The following LRBA variants were observed in gnomAD, a reference collection of about 807,000 sequenced individuals.
LRBA encodes the protein LPS responsive beige-like anchor protein.
LRBA carries 176 observed loss-of-function variants against 330.0 expected under a neutral mutation model. The ratio of observed to expected loss-of-function variants is 0.53; its 90% CI spans 0.47 to 0.60. The LOEUF (loss-of-function observed/expected upper bound fraction) is 0.60. LRBA is among the 20% of genes least tolerant of loss of function. LRBA has a pLI of 0.00. For missense variants in LRBA, 3,259 were observed against 3,444.8 expected, an observed-to-expected ratio of 0.95 and a Z score of 1.35; for synonymous variants, 1,230 against 1,193.0, an observed-to-expected ratio of 1.03 and a Z score of -0.64.
chr4:150,915,615 G>C lies in LRBA; in HGVS notation c.1007C>G (p.Thr336Ser). The C allele has an allele frequency of 6.2e-7, 1 of 1,608,758 alleles. No individual in the cohort carries two copies. Among genetic ancestry groups the C allele is most frequent in the South Asian group, 1.1e-5 (1 of 89,456 alleles). Residue 336 changes from threonine to serine, a missense_variant, in exon 8 of 57, where the codon ACT becomes AGT. Coordinates refer to ENST00000651943, the MANE Select transcript of LRBA (RefSeq NM_001364905.1). Reference sequence around the variant, plus strand: ...CATTTTGAAACTACTTACATCGCTAGTGTTGACAAACCATGTTATCTCTCC... The same window carrying C: ...CATTTTGAAACTACTTACATCGCTACTGTTGACAAACCATGTTATCTCTCC... ...SYGEITWFVN[T>S]SDTFDKCFLG...
In LRBA at chr4:150,818,532, C is replaced by G. The variant is rs200262297; in HGVS notation, c.5172-1275G>C. ...AAGGGGGAGTAGATATGACGAATGT[C>G]TGTGTGTGTGTGTGTGTGTGTGTGT... On this transcript the variant is annotated intron_variant, in intron 30 of 56. Coordinates refer to ENST00000651943, the MANE Select transcript of LRBA (RefSeq NM_001364905.1). 3.1e-3 allele frequency among the ~76,000 whole-genome samples: 459 copies of G among 145,934 alleles called. 1 individual carries two copies. The highest frequency in any genetic ancestry group is 0.011 in the African/African-American group (435 of 39,792).
chr4:150,762,879 A>C (rs1229283908), intron 34 of LRBA, among the ~76,000 whole-genome samples: 1 of 151,904 alleles, frequency 6.6e-6, no homozygotes, highest in African/African-American at 2.4e-5. Context: ...TAAGACTTTC[A>C]AATTCCATGC....
At chr4:150,284,340 T>C (rs1408774020) in intron 54 of LRBA, among the ~76,000 whole-genome samples, 1 of 152,178 alleles carries the variant, frequency 6.6e-6, no homozygotes, top group Non-Finnish European at 1.5e-5. Flanking sequence ...CCCCAAGGCA[T>C]AGAAAAGATG....
At chr4:150,779,255 A>T (rs1361679763) in intron 34 of LRBA, among the ~76,000 whole-genome samples, 1 of 152,112 alleles carries the variant, frequency 6.6e-6, no homozygotes, top group Non-Finnish European at 1.5e-5. Context: ...TTAGCTTAGG[A>T]TAATATATAG....
chr4:150,532,577 T>C (rs1764158456), intron 40 of LRBA, among the ~76,000 whole-genome samples: 1 of 152,140 alleles, frequency 6.6e-6, no homozygotes, highest in African/African-American at 2.4e-5. Flanking sequence ...TGATAATTTA[T>C]GAATTGGTAT....
chr4:150,905,626 T>C lies in LRBA; in HGVS notation c.1755+212A>G, dbSNP rs555689214. On this transcript the variant is annotated intron_variant, in intron 13 of 56. Coordinates refer to ENST00000651943, the MANE Select transcript of LRBA (RefSeq NM_001364905.1). ...ACAAAGAATATATTCTTTGTATGTA[T>C]GTATATATTATTTGTATATATTCAT... Among the ~76,000 whole-genome samples the C allele has an allele frequency of 9.2e-5, 14 of 152,202 alleles. No homozygotes were observed. In the South Asian group the frequency reaches 2.1e-3, roughly 23 times the overall value.
chr4:150,837,005 C>T (rs2126852722), intron 28 of LRBA, among the ~76,000 whole-genome samples: 1 of 152,234 alleles, frequency 6.6e-6, no homozygotes, highest in Admixed American at 6.5e-5. Context: ...TCTTTGTTCT[C>T]ATTGGTTTCA....
intron 37 of LRBA, among the ~76,000 whole-genome samples, chr4:150,618,597 T>C (rs964790400): frequency 1.3e-5 from 2 of 152,032 alleles, no homozygotes; most frequent in Admixed American, 1.3e-4. Flanking sequence ...AGAAATAATT[T>C]ATATAAAAAA....
At chr4:150,445,865 G>T (rs766122977) in intron 44 of LRBA, among the ~76,000 whole-genome samples, 10 of 152,126 alleles carry the variant, frequency 6.6e-5, no homozygotes, top group Non-Finnish European at 1.5e-4. Flanking sequence ...GGCTGGCCTT[G>T]AACTCCTGGC....
At chr4:150,510,771 C>A (rs1026428155) in intron 40 of LRBA, among the ~76,000 whole-genome samples, 1 of 152,236 alleles carries the variant, frequency 6.6e-6, no homozygotes, top group African/African-American at 2.4e-5. Flanking sequence ...CAGTTTTAGA[C>A]CCCTATATCC....
intron 31 of LRBA, among the ~76,000 whole-genome samples, chr4:150,813,622 C>G (rs1033803281): frequency 6.6e-6 from 1 of 151,984 alleles, no homozygotes; most frequent in Non-Finnish European, 1.5e-5. Flanking sequence ...CAAGTTTTAA[C>G]TCTGTTTCTG....
At chr4:150,960,974 TAA>T (rs1738073028) in intron 2 of LRBA, among the ~76,000 whole-genome samples, 1 of 149,186 alleles carries the variant, frequency 6.7e-6, no homozygotes, top group Non-Finnish European at 1.5e-5. Context: ...CTCAAAACAG[TAA>T]CAGTGCTCTC....
intron 46 of LRBA, among the ~76,000 whole-genome samples, chr4:150,435,171 C>T: frequency 6.6e-6 from 1 of 151,760 alleles, no homozygotes; most frequent in East Asian, 1.9e-4. Context: ...ATGGTGAAAC[C>T]CCATCTCTAC....
chr4:150,302,035 T>G (rs575963088), intron 53 of LRBA, among the ~76,000 whole-genome samples: 1 of 152,194 alleles, frequency 6.6e-6, no homozygotes, highest in Non-Finnish European at 1.5e-5. Flanking sequence ...TTTTTTGCCT[T>G]CTGTGAATTA....
chr4:150,592,945 T>A (rs1448601956), intron 38 of LRBA, among the ~76,000 whole-genome samples: 1 of 152,026 alleles, frequency 6.6e-6, no homozygotes, highest in Admixed American at 6.6e-5. Context: ...ATTTTTTTTT[T>A]AAAGGCTAAA....
intron 36 of LRBA, chr4:150,683,959 A>G: frequency 2.7e-6 from 1 of 376,956 alleles, no homozygotes; most frequent in Non-Finnish European, 4.8e-6. Flanking sequence ...AGAGACCTGA[A>G]CAATGAGACA....
At chr4:150,443,101 G>A (rs560706350) in intron 44 of LRBA, among the ~76,000 whole-genome samples, 11 of 152,222 alleles carry the variant, frequency 7.2e-5, no homozygotes, top group South Asian at 2.1e-4. Context: ...AAAACAGTTC[G>A]GGAGAAAGTA....
chr4:150,687,571 A>G (rs1783737330), intron 36 of LRBA, among the ~76,000 whole-genome samples: 1 of 152,276 alleles, frequency 6.6e-6, no homozygotes, highest in South Asian at 2.1e-4. Context: ...GAACAATTCT[A>G]TTTTATGTGA....
In LRBA at chr4:150,690,927, CTTT is replaced by C. The variant is rs70941427; in HGVS notation, c.5755-7213_5755-7211del. Among the ~76,000 whole-genome samples, 540 of 106,296 alleles carry C rather than the reference CTTT, an allele frequency of 5.1e-3. 4 individuals carry two copies. The highest frequency in any genetic ancestry group is 0.017 in the African/African-American group (516 of 30,832). The allele number at this position is 106,296 out of a possible 152,430, so 69.7% of individuals were successfully genotyped here. On this transcript the variant is annotated intron_variant, in intron 36 of 56. Transcript: ENST00000651943. ...TTTATCAAAATTTAAAACACCTGGT[CTTT>C]TTTTTTTTTTTTTTTTTTAGACAGA...
Sources: allele counts gnomAD v4.1 joint callset (sites outside exome capture counted in the v4.1 genomes callset), GRCh38; gene constraint gnomAD v4.1.1; transcripts MANE v1.5; gene names NCBI Gene and HGNC (gene_info 2026-07-23, HGNC 2026-07-21).